FLNC: variants seen among roughly 807,000 people sequenced by gnomAD.
FLNC encodes filamin C.
Under a neutral mutation model 254.3 loss-of-function variants are expected in FLNC, and 91 were observed. The ratio of observed to expected loss-of-function variants is 0.36; its 90% CI spans 0.30 to 0.43. The LOEUF (loss-of-function observed/expected upper bound fraction) is 0.43, where lower values mean the gene tolerates loss of function less well. Among genes scored for constraint, FLNC ranks in the 20% least tolerant of loss-of-function variants. The probability of loss-of-function intolerance (pLI) is 1.00; values close to 1 mark genes in which losing one functional copy is unlikely to be tolerated. For missense variants in FLNC, 2,853 were observed against 3,802.6 expected (o/e 0.75, Z 6.57); for synonymous variants, 1,430 against 1,577.2 (o/e 0.91, Z 2.21).
At position 128,858,863 on chromosome 7, in the gene FLNC, C is replaced by A. The variant is rs1453121456; in HGVS notation, c.*340C>A. On this transcript the variant is annotated 3_prime_UTR_variant, in exon 48 of 48. Coordinates refer to ENST00000325888, the MANE Select transcript of FLNC (RefSeq NM_001458.5). This position sits in a 1 kb window ranked among gnomAD's most constrained non-coding sequence, Gnocchi z 6.7. ...CTGGCGGGGCTGAGCAGTGGGGGAG[C>A]ATTGTGTTGTGGGTGTCTGTGTGTG... 1 of 408,306 alleles carries A rather than the reference C, an allele frequency of 2.4e-6. No homozygotes were observed. Among genetic ancestry groups the A allele is most frequent in the Non-Finnish European group, 4.6e-6 (1 of 217,498 alleles). The allele number at this position is 408,306 out of a possible 1,614,324, so 25.3% of individuals were successfully genotyped here. A position where few individuals can be genotyped will look rare whatever the true frequency, so the allele number is the denominator to read the frequency against.
intron 1 of FLNC, among the ~76,000 whole-genome samples, chr7:128,834,682 C>CA (rs968101267): frequency 8.7e-5 from 13 of 149,378 alleles, no homozygotes; most frequent in East Asian, 7.8e-4. Context: ...AAAACCAGAC[C>CA]AAAAAAAAAG....
At chr7:128,839,905 A>G in intron 8 of FLNC, 118 bp from the exon 9 acceptor site, 1 of 1,313,276 alleles carries the variant, frequency 7.6e-7, no homozygotes, top group South Asian at 1.2e-5. Flanking sequence ...GCTCCAGAGC[A>G]GGGCCGTGGG....
chr7:128,838,668 G>C lies in FLNC; in HGVS notation c.1276G>C (p.Val426Leu). ...ACAGGGCCGGCGGGACACAGTGGAGGTGGCCCTGGAGGACAAGGGTGACAG... is the reference window on the plus strand; with the variant it reads ...ACAGGGCCGGCGGGACACAGTGGAGCTGGCCCTGGAGGACAAGGGTGACAG... ...DPQGRRDTVE[V>L]ALEDKGDSTF... is the part of the protein sequence containing the mutation. The change falls in exon 8 of 48, where the codon GTG (valine) becomes CTG (leucine). Residue 426 changes from valine (V) to leucine (L), a missense_variant. By Grantham distance (32) the Val-to-Leu change is conservative. This residue lies in a region of FLNC where 1,573 missense variants were observed against 1,883.5 expected (regional missense o/e 0.84). Transcript: ENST00000325888. The C allele has an allele frequency of 1.2e-6, 2 of 1,613,092 alleles. No homozygotes were observed. The highest frequency in any genetic ancestry group is 3.3e-5 in the Admixed American group (2 of 60,030).
Position 128,836,576 on chromosome 7 carries a change from G to A in FLNC, c.602-584G>A, listed in dbSNP as rs928052699. On this transcript the variant is annotated intron_variant, in intron 2 of 47. Transcript: ENST00000325888. This position sits in a 1 kb window ranked among gnomAD's most constrained non-coding sequence, Gnocchi z 6.0. ...GCCTCAGCGTCCTTCCTGTTAGGAA[G>A]GCAGGGCTCCTGAGGGCTGCAGAGG... is the stretch of plus-strand genomic sequence containing the variant. Among the ~76,000 whole-genome samples the A allele has an allele frequency of 6.6e-6, 1 of 152,242 alleles. No homozygotes were observed. Among genetic ancestry groups the A allele is most frequent in the Non-Finnish European group, 1.5e-5 (1 of 68,040 alleles).
In FLNC at chr7:128,843,080, G is replaced by T. The variant is rs1808407373; in HGVS notation, c.2550+126G>T. The T allele has an allele frequency of 5.0e-6, 7 of 1,408,860 alleles. No homozygotes were observed. The East Asian group carries it at 1.7e-4, about 34-fold the overall frequency. The allele number at this position is 1,408,860 out of a possible 1,614,324, so 87.3% of individuals were successfully genotyped here. A position where few individuals can be genotyped will look rare whatever the true frequency, so the allele number is the denominator to read the frequency against. On this transcript the variant is annotated intron_variant, in intron 16 of 47. Transcript: ENST00000325888. ...CATGGTGGAGCCCTACCTGTGTGAG[G>T]CAGGGTGCCTCAGAGGAAGCAAAGG... is the stretch of plus-strand genomic sequence containing the variant.
rs370711488 is a variant in FLNC, at chr7:128,849,380, G to A, written c.5001G>A (p.Thr1667=). Residue 1667 remains threonine, a synonymous_variant, in exon 30 of 48, where the codon ACG becomes ACA. Transcript: ENST00000325888. ...AGATTGGGCAGGAGACGGTGATCAC[G>A]GTGGATGCCAAGGCAGCCGGTGAGG... is the stretch of plus-strand genomic sequence containing the variant. ...RIQIGQETVI[T]VDAKAAGEGK... is the part of the protein sequence containing the mutation. The A allele has an allele frequency of 1.7e-5, 28 of 1,614,022 alleles. No individual in the cohort carries two copies. The highest frequency in any genetic ancestry group is 3.3e-5 in the Admixed American group (2 of 60,008).
At chr7:128,848,432 C>T in intron 26 of FLNC, 129 bp from the exon 27 acceptor site, 1 of 1,018,602 alleles carries the variant, frequency 9.8e-7, no homozygotes. Context: ...GGAACTGGTC[C>T]CTCCTCCCTG....
In FLNC at chr7:128,842,168, C is replaced by T. The variant is rs1460409294; in HGVS notation, c.2122-63C>T. On this transcript the variant is annotated intron_variant, in intron 13 of 47. Coordinates refer to ENST00000325888, the MANE Select transcript of FLNC (RefSeq NM_001458.5). The surrounding 1 kb of genome is among the most constrained non-coding windows in gnomAD (Gnocchi z 5.4). ...GGAAAGGAGGCGCTGGGTTCACCTG[C>T]GGCCAGCAGAGGGCGCTCTGCAGAG... 28 of 1,564,038 alleles carry T rather than the reference C, an allele frequency of 1.8e-5. No individual in the cohort carries two copies. The highest frequency in any genetic ancestry group is 3.4e-5 in the South Asian group (3 of 88,082).
Position 128,845,216 on chromosome 7 carries a change from A to G in FLNC, c.3751A>G (p.Ser1251Gly). The G allele has an allele frequency of 6.2e-7, 1 of 1,613,832 alleles. No individual in the cohort carries two copies. The highest frequency in any genetic ancestry group is 8.5e-7 in the Non-Finnish European group (1 of 1,180,028). ...CCATGTGCAGCCTGCGGTCGATACC[A>G]GTGGCGTCAAGGTCTCAGGGCCTGG... is the stretch of plus-strand genomic sequence containing the variant. ...RVHVQPAVDT[S>G]GVKVSGPGVE... The change falls in exon 21 of 48, where the codon AGT (serine) becomes GGT (glycine). Residue 1251 changes from serine to glycine, a missense_variant. Physicochemically the swap from Ser to Gly is moderately conservative, Grantham distance 56. This residue lies in a region of FLNC where 1,573 missense variants were observed against 1,883.5 expected (regional missense o/e 0.84). Transcript: ENST00000325888.
chr7:128,838,317 G>C lies in FLNC; in HGVS notation c.1098G>C (p.Val366=), dbSNP rs1461339998. 5 of 1,613,924 alleles carry C rather than the reference G, an allele frequency of 3.1e-6. No homozygotes were observed. Among genetic ancestry groups the C allele is most frequent in the Middle Eastern group, 1.6e-4 (1 of 6,084 alleles). ...ACATTGAACGCAGTCCCTTTGAGGT[G>C]AACGTGGGCATGGCCCTGGGAGATG... ...GQNIERSPFE[V]NVGMALGDAN... The change falls in exon 7 of 48, where the codon GTG becomes GTC. Residue 366 remains valine, a synonymous_variant. Transcript: ENST00000325888.
In FLNC at chr7:128,838,321, G is replaced by C. The variant is rs781718076; in HGVS notation, c.1102G>C (p.Val368Leu). 3 of 1,613,970 alleles carry C rather than the reference G, an allele frequency of 1.9e-6. No individual in the cohort carries two copies. Among genetic ancestry groups the C allele is most frequent in the Admixed American group, 1.7e-5 (1 of 60,010 alleles). The change falls in exon 7 of 48, where the codon GTG (valine) becomes CTG (leucine). Residue 368 changes from valine to leucine, a missense_variant. This residue lies in a region of FLNC where 1,573 missense variants were observed against 1,883.5 expected (regional missense o/e 0.84). Transcript: ENST00000325888. ...NIERSPFEVN[V>L]GMALGDANKV... is the part of the protein sequence containing the mutation. ...TGAACGCAGTCCCTTTGAGGTGAAC[G>C]TGGGCATGGCCCTGGGAGATGCCAA...
intron 18 of FLNC, 99 bp from the exon 19 acceptor site, chr7:128,843,697 C>G: frequency 6.7e-7 from 1 of 1,490,458 alleles, no homozygotes; most frequent in Non-Finnish European, 9.4e-7. Context: ...CCTGCCCTCA[C>G]TCTCATGGTG....
At position 128,852,046 on chromosome 7, in the gene FLNC, A is replaced by G. The variant is rs181988817; in HGVS notation, c.5842+418A>G. 6.4e-4 allele frequency among the ~76,000 whole-genome samples: 98 copies of G among 152,222 alleles called. No individual in the cohort carries two copies. The East Asian group carries it at 0.016, about 26-fold the overall frequency. ...ATGCCTGGCTATTTTTTGTATTTTT[A>G]GTAGAGACAGGGTTTCACCGTGTTA... is the stretch of plus-strand genomic sequence containing the variant. On this transcript the variant is annotated intron_variant, in intron 35 of 47. Coordinates refer to ENST00000325888, the MANE Select transcript of FLNC (RefSeq NM_001458.5).
Position 128,838,049 on chromosome 7 carries a change from C to T in FLNC, c.1032C>T (p.Val344=), listed in dbSNP as rs2291562. The T allele has an allele frequency of 0.062, 99,666 of 1,613,168 alleles. 7,043 individuals carry two copies. Among genetic ancestry groups the T allele is most frequent in the East Asian group, 0.29 (13,050 of 44,858 alleles). ...ATGCTGTCTCCTATGTGCCCAAGGTCGCTGGGTTACACAAGGTATCTCCCT... is the reference window on the plus strand; with the variant it reads ...ATGCTGTCTCCTATGTGCCCAAGGTTGCTGGGTTACACAAGGTATCTCCCT... ...RTYAVSYVPK[V]AGLHKVTVLF... is the part of the protein sequence containing the mutation. Residue 344 remains valine, a synonymous_variant, in exon 6 of 48, where the codon GTC becomes GTT. Transcript: ENST00000325888.
At chr7:128,844,508 C>A in intron 20 of FLNC, 150 bp from the exon 21 acceptor site, 1 of 918,260 alleles carries the variant, frequency 1.1e-6, no homozygotes, top group Non-Finnish European at 1.7e-6. Context: ...ATTGCTTCAT[C>A]TCGCTGCCTC....
chr7:128,848,189 C>A, intron 26 of FLNC, 121 bp downstream of exon 26: 1 of 1,249,420 alleles, frequency 8.0e-7, no homozygotes, highest in Non-Finnish European at 1.1e-6. Context: ...CAGCCTCGTC[C>A]AGTCTCGCCA....
Position 128,841,600 on chromosome 7 carries a change from T to G in FLNC, c.2121+33T>G. 5 of 1,524,878 alleles carry G rather than the reference T, an allele frequency of 3.3e-6. No homozygotes were observed. Among genetic ancestry groups the G allele is most frequent in the Non-Finnish European group, 4.6e-6 (5 of 1,098,598 alleles). 94.5% of individuals were successfully genotyped at this position (1,524,878 alleles called of 1,614,324 possible). ...ATTGTCCAGTCTCTGCTGCCCTTAC[T>G]ACCCATGGCAGGGACCCTGGAAGGC... On this transcript the variant is annotated intron_variant, in intron 13 of 47. Transcript: ENST00000325888. The surrounding 1 kb of genome is among the most constrained non-coding windows in gnomAD (Gnocchi z 4.3).
Position 128,854,557 on chromosome 7 carries a change from A to G in FLNC, c.6872A>G (p.Lys2291Arg). Residue 2291 changes from lysine to arginine, a missense_variant, in exon 41 of 48, where the codon AAG becomes AGG. By Grantham distance (26) the Lys-to-Arg change is conservative. Around this residue, in one of 10 missense-constraint regions of FLNC, gnomAD observed 551 missense variants for 835.0 expected, o/e 0.66. Coordinates refer to ENST00000325888, the MANE Select transcript of FLNC (RefSeq NM_001458.5). ...ATGGGGCCCCATACGGTCGCTGTCA[A>G]GTACCGTGGCCAGCACGTGCCCGGC... The part of the protein sequence containing the change: ...QEMGPHTVAV[K>R]YRGQHVPGSP... 1 of 1,608,470 alleles carries G rather than the reference A, an allele frequency of 6.2e-7. No individual in the cohort carries two copies.
rs1379570821 is a variant in FLNC at position 128,854,682 on chromosome 7, G to A, written c.6997G>A (p.Ala2333Thr). Residue 2333 changes from alanine to threonine, a missense_variant and splice_region_variant, in exon 41 of 48, where the codon GCC becomes ACC. Around this residue, in one of 10 missense-constraint regions of FLNC, gnomAD observed 551 missense variants for 835.0 expected, o/e 0.66. Transcript: ENST00000325888. ...GLERGVAGVP[A>T]EFSIWTREAG... ...GGAGCGAGGTGTGGCCGGCGTGCCAGGTAAGGGGCAGGTGGCCAGGAGTGG... is the reference window on the plus strand; with the variant it reads ...GGAGCGAGGTGTGGCCGGCGTGCCAAGTAAGGGGCAGGTGGCCAGGAGTGG... 6.2e-7 allele frequency: 1 copy of A among 1,612,594 alleles called. No individual in the cohort carries two copies. The highest frequency in any genetic ancestry group is 8.5e-7 in the Non-Finnish European group (1 of 1,179,388).
Sources: allele counts gnomAD v4.1 joint callset (sites outside exome capture counted in the v4.1 genomes callset), GRCh38; gene constraint gnomAD v4.1.1; regional missense constraint gnomAD v4.1.1; non-coding constraint Gnocchi (gnomAD v3.1); transcripts MANE v1.5; gene names NCBI Gene and HGNC (gene_info 2026-07-23, HGNC 2026-07-21).